PAPOLA: variants seen among roughly 807,000 people sequenced by gnomAD.
PAPOLA encodes poly(A) polymerase alpha.
Under a neutral mutation model 100.6 loss-of-function variants are expected in PAPOLA, and 15 were observed. That is an observed-to-expected ratio of 0.15 (90% CI 0.10 to 0.23). The LOEUF (loss-of-function observed/expected upper bound fraction) is 0.23. PAPOLA is among the 10% of genes least tolerant of loss of function. The pLI, the probability that PAPOLA is intolerant of heterozygous loss-of-function variation, is 1.00. For missense variants in PAPOLA, 533 were observed against 884.2 expected (o/e 0.60, Z 5.04); for synonymous variants, 293 against 300.0 (o/e 0.98, Z 0.24).
intron 1 of PAPOLA, among the ~76,000 whole-genome samples, chr14:96,508,394 T>G (rs1896880413): frequency 2.0e-5 from 3 of 152,174 alleles, no homozygotes; most frequent in Admixed American, 2.0e-4. Context: ...TTGATTATGG[T>G]TTTGAGATGT....
At chr14:96,521,115 C>A in intron 3 of PAPOLA, 43 bp downstream of exon 3, 1 of 870,026 alleles carries the variant, frequency 1.1e-6, no homozygotes, top group Non-Finnish European at 2.0e-6. Flanking sequence ...CATATATAGC[C>A]AACTGAACAC....
rs866775794 is a variant in PAPOLA at position 96,544,200 on chromosome 14, A to C, written c.1341A>C (p.Glu447Asp). Residue 447 changes from glutamate to aspartate, a missense_variant, in exon 15 of 22, where the codon GAA (glutamate) becomes GAC (aspartate). Glu to Asp is a conservative substitution (Grantham distance 45). Transcript: ENST00000216277. ...TTGGGTTAGTGTTTAAAAAAACAGA[A>C]AACTCTGAAAACCTCAGTGTTGATC... Reference protein sequence around the residue: ...WVIGLVFKKTENSENLSVDLT... With the variant: ...WVIGLVFKKTDNSENLSVDLT... 1.2e-6 allele frequency: 2 copies of C among 1,610,114 alleles called. No homozygotes were observed. The highest frequency in any genetic ancestry group is 1.7e-5 in the Admixed American group (1 of 59,928).
chr14:96,546,538 A>G (rs548564739), intron 15 of PAPOLA, among the ~76,000 whole-genome samples: 118 of 152,142 alleles, frequency 7.8e-4, no homozygotes, highest in Middle Eastern at 3.4e-3. Flanking sequence ...TTATAAGTTC[A>G]CAGTCCTTTA....
At chr14:96,512,471 A>G (rs926711196) in intron 1 of PAPOLA, among the ~76,000 whole-genome samples, 2 of 152,234 alleles carry the variant, frequency 1.3e-5, no homozygotes, top group African/African-American at 4.8e-5. Context: ...AGGCTATGAT[A>G]TCAGCTATCT....
At chr14:96,526,417 C>T (rs1898484875) in intron 4 of PAPOLA, 1 of 152,360 alleles carries the variant, frequency 6.6e-6, no homozygotes, top group Admixed American at 6.5e-5. Flanking sequence ...ACTGCACCTT[C>T]CACCTCCTGG....
At chr14:96,516,951 T>C (rs1205175075) in intron 1 of PAPOLA, among the ~76,000 whole-genome samples, 1 of 152,072 alleles carries the variant, frequency 6.6e-6, no homozygotes, top group African/African-American at 2.4e-5. Flanking sequence ...AAGAAAAAAA[T>C]GGGAAGATTT....
chr14:96,560,308 A>G (rs539954036), intron 19 of PAPOLA: 2 of 182,914 alleles, frequency 1.1e-5, no homozygotes, highest in South Asian at 1.3e-4. Context: ...GGGTGATACT[A>G]TGCCAAGTTC....
chr14:96,528,362 A>G (rs536617958), intron 6 of PAPOLA, among the ~76,000 whole-genome samples: 1 of 152,342 alleles, frequency 6.6e-6, no homozygotes, highest in African/African-American at 2.4e-5. Context: ...CTTTGACTTC[A>G]TTTAAAAATT....
intron 4 of PAPOLA, among the ~76,000 whole-genome samples, chr14:96,525,728 G>A (rs1406606410): frequency 2.6e-5 from 4 of 151,972 alleles, no homozygotes; most frequent in African/African-American, 9.7e-5. Context: ...CTTCAGCCTG[G>A]GTGACAGAAC....
At chr14:96,554,284 C>T (rs1330086076) in intron 17 of PAPOLA, among the ~76,000 whole-genome samples, 1 of 152,238 alleles carries the variant, frequency 6.6e-6, no homozygotes, top group African/African-American at 2.4e-5. Context: ...AGGCTTTCTT[C>T]AGCATCTGTG....
At chr14:96,525,243 G>C in intron 3 of PAPOLA, 67 bp from the exon 4 acceptor site, 1 of 761,386 alleles carries the variant, frequency 1.3e-6, no homozygotes, top group Non-Finnish European at 2.4e-6. Context: ...CCTCACCCCA[G>C]TATAGTATCA....
At chr14:96,522,954 A>G (rs1254302766) in intron 3 of PAPOLA, among the ~76,000 whole-genome samples, 14 of 152,210 alleles carry the variant, frequency 9.2e-5, no homozygotes, top group Admixed American at 9.2e-4. Context: ...GCAGGGAGAC[A>G]GGGTGTCAAC....
At chr14:96,527,661 C>A in intron 5 of PAPOLA, 122 bp downstream of exon 5, 1 of 640,274 alleles carries the variant, frequency 1.6e-6, no homozygotes, top group Non-Finnish European at 2.8e-6. Context: ...TTTCTAAACA[C>A]TTGGCATATG....
chr14:96,533,833 G>T, intron 9 of PAPOLA: 1 of 972,558 alleles, frequency 1.0e-6, no homozygotes, highest in Non-Finnish European at 1.2e-6. Context: ...GATTACAGGC[G>T]TGAGCCACCG....
Position 96,522,204 on chromosome 14 carries a change from C to A in PAPOLA, c.249+1132C>A, listed in dbSNP as rs1898060064. Reference sequence around the variant, plus strand: ...TGGCACCATCTTGGTTCGCTGCAACCTGTGCCTCCTGCGGCCAACTGATTC... The same window carrying A: ...TGGCACCATCTTGGTTCGCTGCAACATGTGCCTCCTGCGGCCAACTGATTC... On this transcript the variant is annotated intron_variant, in intron 3 of 21. Coordinates refer to ENST00000216277, the MANE Select transcript of PAPOLA (RefSeq NM_032632.5). Among the ~76,000 whole-genome samples, 3 of 147,002 alleles carry A rather than the reference C, an allele frequency of 2.0e-5. No individual in the cohort carries two copies. The Admixed American group carries it at 2.1e-4, about 10-fold the overall frequency.
intron 1 of PAPOLA, chr14:96,504,789 C>T (rs1022652491): frequency 1.3e-5 from 2 of 152,112 alleles, no homozygotes; most frequent in African/African-American, 2.4e-5. Context: ...CATTAAGTTG[C>T]TTTGTTTTTC....
chr14:96,515,671 C>T (rs1897402098), intron 1 of PAPOLA, among the ~76,000 whole-genome samples: 1 of 152,086 alleles, frequency 6.6e-6, no homozygotes, highest in African/African-American at 2.4e-5. Flanking sequence ...GTTGGTGAGA[C>T]GAAAATGGAC....
chr14:96,554,263 C>A (rs1226399670), intron 17 of PAPOLA, among the ~76,000 whole-genome samples: 1 of 152,250 alleles, frequency 6.6e-6, no homozygotes, highest in African/African-American at 2.4e-5. Flanking sequence ...AGGCACCTTG[C>A]TAGCCATTTC....
At chr14:96,508,453 G>A (rs1311712447) in intron 1 of PAPOLA, among the ~76,000 whole-genome samples, 2 of 152,184 alleles carry the variant, frequency 1.3e-5, no homozygotes, top group African/African-American at 2.4e-5. Context: ...TGGTAGAGAA[G>A]TTGGAAGGCA....
Sources: allele counts gnomAD v4.1 joint callset (sites outside exome capture counted in the v4.1 genomes callset), GRCh38; gene constraint gnomAD v4.1.1; transcripts MANE v1.5; gene names NCBI Gene and HGNC (gene_info 2026-07-23, HGNC 2026-07-21).